FHIT: variants seen among roughly 807,000 people sequenced by gnomAD.
FHIT encodes the protein bis(5'-adenosyl)-triphosphatase.
A neutral mutation model predicts 17.9 loss-of-function variants in FHIT; 19 were observed. That is an observed-to-expected ratio of 1.06 (90% confidence interval 0.74 to 1.56). The LOEUF is 1.56. Among genes scored for constraint, FHIT ranks in the 40% most tolerant of loss-of-function variants. The pLI, the probability that FHIT is intolerant of heterozygous loss-of-function variation, is 0.00. For synonymous variants in FHIT, 81 were observed against 69.7 expected, an observed-to-expected ratio of 1.16 and a Z score of -0.81; for missense variants, 248 against 189.2, an observed-to-expected ratio of 1.31 and a Z score of -1.82.
intron 5 of FHIT, among the ~76,000 whole-genome samples, chr3:60,409,386 C>T (rs975991438): frequency 1.3e-5 from 2 of 152,086 alleles, no homozygotes; most frequent in Non-Finnish European, 2.9e-5. Flanking sequence ...CTGTGGAGTT[C>T]GTGTTCTTGT....
At chr3:60,842,817 G>A (rs1350688391) in intron 3 of FHIT, among the ~76,000 whole-genome samples, 3 of 151,684 alleles carry the variant, frequency 2.0e-5, no homozygotes, top group Non-Finnish European at 4.4e-5. Flanking sequence ...TGTGGTTTAG[G>A]AGCAGAGGAT....
intron 5 of FHIT, among the ~76,000 whole-genome samples, chr3:60,065,103 C>A (rs1414811300): frequency 6.6e-6 from 1 of 152,068 alleles, no homozygotes; most frequent in Non-Finnish European, 1.5e-5. Flanking sequence ...GGGCAAAGAG[C>A]AATCAACTCA....
At chr3:60,742,252 C>A (rs782398119) in intron 4 of FHIT, among the ~76,000 whole-genome samples, 7 of 152,184 alleles carry the variant, frequency 4.6e-5, no homozygotes, top group Non-Finnish European at 1.0e-4. Context: ...CTACTTTTCA[C>A]TTCCAATAGT....
chr3:60,770,351 A>G (rs1235612249), intron 4 of FHIT, among the ~76,000 whole-genome samples: 2 of 152,178 alleles, frequency 1.3e-5, no homozygotes, highest in East Asian at 3.9e-4. Flanking sequence ...TGGCTGCCCA[A>G]TATCCTCTGG....
intron 5 of FHIT, among the ~76,000 whole-genome samples, chr3:60,304,592 T>C (rs1006237860): frequency 6.6e-6 from 1 of 152,100 alleles, no homozygotes; most frequent in Non-Finnish European, 1.5e-5. Flanking sequence ...AAAATAGAGT[T>C]TTTAGATAAA....
chr3:60,217,948 C>T (rs967523235), intron 5 of FHIT, among the ~76,000 whole-genome samples: 4 of 152,106 alleles, frequency 2.6e-5, no homozygotes, highest in Admixed American at 6.5e-5. Context: ...CATATTAAGT[C>T]AGACATTAAA....
At chr3:59,873,136 G>A (rs1702997207) in intron 8 of FHIT, among the ~76,000 whole-genome samples, 1 of 152,076 alleles carries the variant, frequency 6.6e-6, no homozygotes, top group Middle Eastern at 3.2e-3. Flanking sequence ...TTTACCTCTG[G>A]ATAGTTACAG....
At chr3:60,053,972 G>A (rs1408946209) in intron 5 of FHIT, among the ~76,000 whole-genome samples, 1 of 152,114 alleles carries the variant, frequency 6.6e-6, no homozygotes, top group Non-Finnish European at 1.5e-5. Context: ...ATGTAAATCA[G>A]AAGCCATATA....
intron 2 of FHIT, among the ~76,000 whole-genome samples, chr3:61,055,211 T>A (rs2034175542): frequency 6.6e-6 from 1 of 152,074 alleles, no homozygotes; most frequent in Admixed American, 6.6e-5. Flanking sequence ...AGCAAGGACA[T>A]GATGCTCCAT....
intron 8 of FHIT, among the ~76,000 whole-genome samples, chr3:59,851,138 T>G (rs1027965716): frequency 6.6e-6 from 1 of 152,084 alleles, no homozygotes; most frequent in African/African-American, 2.4e-5. Context: ...TCTGGCTGAG[T>G]TCCAGACAGT....
At chr3:60,600,533 T>C (rs1576950271) in intron 4 of FHIT, among the ~76,000 whole-genome samples, 1 of 152,262 alleles carries the variant, frequency 6.6e-6, no homozygotes, top group East Asian at 1.9e-4. Flanking sequence ...AATAAAGTGG[T>C]ATAAGCTTTG....
At chr3:60,891,593 C>A (rs559845025) in intron 3 of FHIT, among the ~76,000 whole-genome samples, 2 of 152,094 alleles carry the variant, frequency 1.3e-5, no homozygotes, top group Non-Finnish European at 2.9e-5. Flanking sequence ...AGAAGTCATA[C>A]GTGTCTATAT....
chr3:61,123,997 T>C (rs2036537563), intron 2 of FHIT, among the ~76,000 whole-genome samples: 1 of 152,136 alleles, frequency 6.6e-6, no homozygotes. Flanking sequence ...AGGTTCACTA[T>C]TGGGAGCATG....
intron 4 of FHIT, among the ~76,000 whole-genome samples, chr3:60,743,762 T>C (rs1404922839): frequency 6.6e-6 from 1 of 152,102 alleles, no homozygotes; most frequent in South Asian, 2.1e-4. Flanking sequence ...TTAAGAGAGA[T>C]GAGGTAGCTG....
intron 8 of FHIT, among the ~76,000 whole-genome samples, chr3:59,830,191 A>T (rs1701117820): frequency 6.6e-6 from 1 of 152,250 alleles, no homozygotes; most frequent in Non-Finnish European, 1.5e-5. Flanking sequence ...AATTTAAATC[A>T]ACTGCTAAGA....
intron 5 of FHIT, among the ~76,000 whole-genome samples, chr3:60,461,732 C>G (rs2032482361): frequency 6.6e-6 from 1 of 152,156 alleles, no homozygotes; most frequent in Non-Finnish European, 1.5e-5. Flanking sequence ...CCTTAGAAAG[C>G]AGACCATCAT....
intron 5 of FHIT, among the ~76,000 whole-genome samples, chr3:60,020,982 G>A (rs212025): frequency 0.98 from 149,280 of 152,280 alleles, 73,210 homozygotes; most frequent in Non-Finnish European, 0.99. Flanking sequence ...CCTTTTTTCA[G>A]TGGGGATTAA....
intron 8 of FHIT, among the ~76,000 whole-genome samples, chr3:59,761,765 C>G (rs2106786606): frequency 6.6e-6 from 1 of 151,980 alleles, no homozygotes; most frequent in South Asian, 2.1e-4. Context: ...CACCACCACA[C>G]CTGGCTAGTT....
chr3:60,058,103 G>A (rs1455820919), intron 5 of FHIT, among the ~76,000 whole-genome samples: 1 of 144,440 alleles, frequency 6.9e-6, no homozygotes, highest in African/African-American at 2.5e-5. Flanking sequence ...GGAATAGGGA[G>A]TTATTGTATA....
Sources: gnomAD v4.1 joint callset for allele counts (sites outside exome capture counted in the v4.1 genomes callset) on GRCh38, gnomAD v4.1.1 for gene constraint, MANE v1.5 for transcripts, NCBI Gene and HGNC (gene_info 2026-07-23, HGNC 2026-07-21) for gene names.